Variants in PCDHGA9 observed in about 807,000 individuals in gnomAD.
PCDHGA9 encodes the protein protocadherin gamma subfamily A, 9.
PCDHGA9 carries 37 observed loss-of-function variants against 62.5 expected under a neutral mutation model. The ratio of observed to expected loss-of-function variants is 0.59; its 90% CI spans 0.46 to 0.78. The LOEUF (loss-of-function observed/expected upper bound fraction) is 0.78. Among genes scored for constraint, PCDHGA9 ranks in the 30% least tolerant of loss-of-function variants. The probability of loss-of-function intolerance (pLI) is 0.00; values close to 1 mark genes in which losing one functional copy is unlikely to be tolerated. For missense variants in PCDHGA9, 1,138 were observed against 1,166.2 expected (o/e 0.98, Z 0.35); for synonymous variants, 459 against 484.6 (o/e 0.95, Z 0.69).
chr5:141,426,718 C>G, intron 1 of PCDHGA9: 1 of 446,166 alleles, frequency 2.2e-6, no homozygotes, highest in Non-Finnish European at 4.6e-6. Flanking sequence ...AATGAACTAG[C>G]AATTCCAGGC....
intron 2 of PCDHGA9, among the ~76,000 whole-genome samples, chr5:141,504,794 A>G (rs2099841154): frequency 6.6e-6 from 1 of 151,718 alleles, no homozygotes; most frequent in African/African-American, 2.4e-5. Flanking sequence ...GGCCTCCTAC[A>G]TCTCCCCCTA....
At chr5:141,510,404 G>T (rs1596286932) in intron 3 of PCDHGA9, among the ~76,000 whole-genome samples, 2 of 152,252 alleles carry the variant, frequency 1.3e-5, no homozygotes, top group East Asian at 3.9e-4. Context: ...AAAGGCTAGG[G>T]GCATGTAAAG....
intron 1 of PCDHGA9, chr5:141,413,527 G>T (rs768496934): frequency 1.2e-6 from 2 of 1,613,820 alleles, no homozygotes; most frequent in African/African-American, 1.3e-5. Flanking sequence ...GGAAGACAGG[G>T]TGAAACTTTT....
Position 141,486,674 on chromosome 5 carries a change from G to A in PCDHGA9, c.2425-8133G>A. On this transcript the variant is annotated intron_variant, in intron 1 of 3. Transcript: ENST00000573521. This position sits in a 1 kb window ranked among gnomAD's most constrained non-coding sequence, Gnocchi z 5.0. ...CTCACTCCTGGAGCCCAGGAATCGA[G>A]ATGTATCAGCTTCCTCTTTCATCTC... The A allele has an allele frequency of 1.9e-6, 3 of 1,614,080 alleles. No individual in the cohort carries two copies. Among genetic ancestry groups the A allele is most frequent in the Non-Finnish European group, 2.5e-6 (3 of 1,180,036 alleles).
chr5:141,487,380 G>A lies in PCDHGA9; in HGVS notation c.2425-7427G>A. On this transcript the variant is annotated intron_variant, in intron 1 of 3. Transcript: ENST00000573521. This position sits in a 1 kb window ranked among gnomAD's most constrained non-coding sequence, Gnocchi z 5.0. ...GCTGGCACCTGTGCCTGTCTCACCA[G>A]ATCTCGAAGGAGGGAGGGGCTTCCC... is the stretch of plus-strand genomic sequence containing the variant. The A allele has an allele frequency of 1.2e-6, 2 of 1,614,202 alleles. No individual in the cohort carries two copies. The highest frequency in any genetic ancestry group is 2.2e-5 in the South Asian group (2 of 91,078).
Position 141,511,231 on chromosome 5 carries a change from C to T in PCDHGA9, c.*58C>T. On this transcript the variant is annotated 3_prime_UTR_variant, in exon 4 of 4. Coordinates refer to ENST00000573521, the MANE Select transcript of PCDHGA9 (RefSeq NM_018921.3). ...CTCTCCCCAACCAGCCCAGCTTCTC[C>T]TTACCTGCACCCAGGCCTCAGAGTT... 2 of 1,595,900 alleles carry T rather than the reference C, an allele frequency of 1.3e-6. No individual in the cohort carries two copies. The highest frequency in any genetic ancestry group is 2.2e-5 in the South Asian group (2 of 88,992).
At chr5:141,479,366 T>A (rs2099494042) in intron 1 of PCDHGA9, 1 of 152,302 alleles carries the variant, frequency 6.6e-6, no homozygotes, top group Non-Finnish European at 1.5e-5. Flanking sequence ...GTGCCTGAGG[T>A]GGGAGGATTG....
chr5:141,453,387 G>A (rs1313174494), intron 1 of PCDHGA9, among the ~76,000 whole-genome samples: 1 of 151,936 alleles, frequency 6.6e-6, no homozygotes, highest in Non-Finnish European at 1.5e-5. Flanking sequence ...TCCTGCCTTA[G>A]CCTCCAAGTG....
Position 141,491,383 on chromosome 5 carries a change from A to C in PCDHGA9, c.2425-3424A>C. The C allele has an allele frequency of 6.2e-7, 1 of 1,614,036 alleles. No individual in the cohort carries two copies. The highest frequency in any genetic ancestry group is 8.5e-7 in the Non-Finnish European group (1 of 1,179,962). ...AGTCACCTTCACCTTTCTGTCAGCG[A>C]AGTGCCTTCAGGGAAACGCAGACGG... On this transcript the variant is annotated intron_variant, in intron 1 of 3. Transcript: ENST00000573521. This position sits in a 1 kb window ranked among gnomAD's most constrained non-coding sequence, Gnocchi z 6.9.
rs1387152450 is a variant in PCDHGA9 at position 141,487,754 on chromosome 5, G to A, written c.2425-7053G>A. The A allele has an allele frequency of 1.3e-6, 2 of 1,552,036 alleles. No individual in the cohort carries two copies. Among genetic ancestry groups the A allele is most frequent in the Admixed American group, 3.9e-5 (2 of 50,970 alleles). ...CATTTTTGTAAGAGGTAACTATGTG[G>A]TAGACGCTGTGCTTTGTAACTGTTT... On this transcript the variant is annotated intron_variant, in intron 1 of 3. Transcript: ENST00000573521. This position sits in a 1 kb window ranked among gnomAD's most constrained non-coding sequence, Gnocchi z 5.0.
Position 141,403,003 on chromosome 5 carries a change from C to T in PCDHGA9, c.51C>T (p.Cys17=). ...TCCGCGGAAGATTAGTCCTGCTATGCTCGCTCCTGGGGATGCTATGGGAGG... is the reference window on the plus strand; with the variant it reads ...TCCGCGGAAGATTAGTCCTGCTATGTTCGCTCCTGGGGATGCTATGGGAGG... The part of the protein sequence containing the change: ...CQLRGRLVLL[C]SLLGMLWEAR... The change falls in exon 1 of 4, where the codon TGC becomes TGT. Residue 17 remains cysteine, a synonymous_variant. Transcript: ENST00000573521. The T allele has an allele frequency of 1.9e-6, 3 of 1,613,970 alleles. No homozygotes were observed. The highest frequency in any genetic ancestry group is 1.1e-5 in the South Asian group (1 of 91,074).
In PCDHGA9 at chr5:141,489,633, T is replaced by C. The variant is rs1298084961; in HGVS notation, c.2425-5174T>C. On this transcript the variant is annotated intron_variant, in intron 1 of 3. Coordinates refer to ENST00000573521, the MANE Select transcript of PCDHGA9 (RefSeq NM_018921.3). The surrounding 1 kb of genome is among the most constrained non-coding windows in gnomAD (Gnocchi z 4.5). ...TCCTGGATCTCAATGACAACTCTCC[T>C]AGCTTTGCCACCCCTGAGCGAGAGA... The C allele has an allele frequency of 6.2e-7, 1 of 1,614,160 alleles. No individual in the cohort carries two copies. Among genetic ancestry groups the C allele is most frequent in the South Asian group, 1.1e-5 (1 of 91,086 alleles).
chr5:141,499,047 GA>G (rs2099789201), intron 2 of PCDHGA9, among the ~76,000 whole-genome samples: 1 of 151,580 alleles, frequency 6.6e-6, no homozygotes, highest in South Asian at 2.1e-4. Flanking sequence ...GAAAAAGGGA[GA>G]AAAAATGAAG....
At position 141,476,791 on chromosome 5, in the gene PCDHGA9, C is replaced by A. The variant is rs766227340; in HGVS notation, c.2425-18016C>A. 1 of 1,613,512 alleles carries A rather than the reference C, an allele frequency of 6.2e-7. No individual in the cohort carries two copies. Among genetic ancestry groups the A allele is most frequent in the Non-Finnish European group, 8.5e-7 (1 of 1,180,014 alleles). On this transcript the variant is annotated intron_variant, in intron 1 of 3. Transcript: ENST00000573521. This position sits in a 1 kb window ranked among gnomAD's most constrained non-coding sequence, Gnocchi z 7.6. ...TGGACGGAGGGACCCCAGCTCTCTC[C>A]GCCAGCCTGCCTATTCACATCAAGG...
At position 141,404,225 on chromosome 5, in the gene PCDHGA9, A is replaced by G; in HGVS notation, c.1273A>G (p.Thr425Ala). ...AGAATATAATATCACGGTGACTGCA[A>G]CAGACAGAGGAACTCCGCCCCTGTC... ...ASEYNITVTA[T>A]DRGTPPLSTE... Residue 425 changes from threonine (T) to alanine (A), a missense_variant, in exon 1 of 4, where the codon ACA becomes GCA. Physicochemically the swap from Thr to Ala is moderately conservative, Grantham distance 58 (BLOSUM62 0). Transcript: ENST00000573521. 3.7e-6 allele frequency: 6 copies of G among 1,613,828 alleles called. No individual in the cohort carries two copies. The highest frequency in any genetic ancestry group is 5.1e-6 in the Non-Finnish European group (6 of 1,179,768).
At chr5:141,500,877 A>C (rs2099803156) in intron 2 of PCDHGA9, among the ~76,000 whole-genome samples, 1 of 122,292 alleles carries the variant, frequency 8.2e-6, no homozygotes, top group African/African-American at 3.9e-5. Flanking sequence ...TTCATTTACA[A>C]TTTTTTTTTT....
rs536930748 is a variant in PCDHGA9, at chr5:141,405,074, G to T, written c.2122G>T (p.Val708Phe). 2.5e-6 allele frequency: 4 copies of T among 1,613,794 alleles called. No individual in the cohort carries two copies. Among genetic ancestry groups the T allele is most frequent in the Non-Finnish European group, 3.4e-6 (4 of 1,179,732 alleles). ...AVVSCVFLTFVITLLALRLRH... is the reference protein window; with the variant it reads ...AVVSCVFLTFFITLLALRLRH... ...CGTCTCCTGTGTCTTCCTCACCTTC[G>T]TTATCACGCTGCTGGCCCTCAGGCT... The change falls in exon 1 of 4, where the codon GTT becomes TTT. Residue 708 changes from valine to phenylalanine, a missense_variant. By Grantham distance (50) the Val-to-Phe change is conservative. Transcript: ENST00000573521.
intron 1 of PCDHGA9, among the ~76,000 whole-genome samples, chr5:141,484,760 A>G (rs1472178052): frequency 2.0e-5 from 3 of 151,880 alleles, no homozygotes; most frequent in South Asian, 2.1e-4. Flanking sequence ...GTATATATAT[A>G]TATATGTTGT....
At chr5:141,416,132 A>C in intron 1 of PCDHGA9, 1 of 154,082 alleles carries the variant, frequency 6.5e-6, no homozygotes, top group Non-Finnish European at 1.4e-5. Context: ...ATATTTTTCA[A>C]TCTATACTTT....
Sources: gnomAD v4.1 joint callset for allele counts (sites outside exome capture counted in the v4.1 genomes callset) on GRCh38, gnomAD v4.1.1 for gene constraint, Gnocchi (gnomAD v3.1) non-coding constraint, MANE v1.5 for transcripts, NCBI Gene and HGNC (gene_info 2026-07-23, HGNC 2026-07-21) for gene names.